Variants in XPO6 observed in about 807,000 individuals in gnomAD.
The protein encoded by XPO6 is exportin 6, also known as exportin-6.
In XPO6, 3 loss-of-function variants were observed where a neutral mutation model predicts 130.0. The observed-to-expected ratio is 0.02, with a 90% confidence interval of 0.01 to 0.06. The LOEUF (loss-of-function observed/expected upper bound fraction) is 0.06, where lower values mean the gene tolerates loss of function less well. Among genes scored for constraint, XPO6 ranks in the 10% least tolerant of loss-of-function variants. XPO6 has a pLI of 1.00. For missense variants in XPO6, 970 were observed against 1,393.0 expected (o/e 0.70, Z 4.83); for synonymous variants, 524 against 548.9 (o/e 0.95, Z 0.63).
At chr16:28,125,267 C>G (rs33045) in intron 13 of XPO6, among the ~76,000 whole-genome samples, 1 of 152,036 alleles carries the variant, frequency 6.6e-6, no homozygotes, top group Admixed American at 6.5e-5. Flanking sequence ...GGAGTTGACT[C>G]CTTATCAGTA....
intron 1 of XPO6, among the ~76,000 whole-genome samples, chr16:28,189,646 C>A (rs960399476): frequency 2.6e-5 from 4 of 152,110 alleles, no homozygotes; most frequent in Non-Finnish European, 5.9e-5. Context: ...AACAGGACTG[C>A]TAAGGCTGGG....
chr16:28,136,348 T>A (rs1400677152), intron 9 of XPO6, among the ~76,000 whole-genome samples: 3 of 152,130 alleles, frequency 2.0e-5, no homozygotes, highest in African/African-American at 7.2e-5. Flanking sequence ...GCCTCCCGAG[T>A]GGCTGGGATT....
At chr16:28,103,865 C>G (rs1262988716) in intron 21 of XPO6, among the ~76,000 whole-genome samples, 1 of 152,208 alleles carries the variant, frequency 6.6e-6, no homozygotes, top group African/African-American at 2.4e-5. Context: ...GTGGAAATCC[C>G]TCTTGCTTCC....
At chr16:28,170,406 C>T (rs1041901062) in intron 4 of XPO6, among the ~76,000 whole-genome samples, 2 of 151,048 alleles carry the variant, frequency 1.3e-5, no homozygotes, top group Non-Finnish European at 1.5e-5. Flanking sequence ...AAAATACATT[C>T]TCATCATATT....
At chr16:28,119,558 A>G (rs961423080) in intron 14 of XPO6, among the ~76,000 whole-genome samples, 2 of 152,150 alleles carry the variant, frequency 1.3e-5, no homozygotes, top group African/African-American at 4.8e-5. Flanking sequence ...TCACACACAC[A>G]CGCACATGCA....
At chr16:28,110,182 T>C (rs1169902683) in intron 17 of XPO6, among the ~76,000 whole-genome samples, 1 of 152,212 alleles carries the variant, frequency 6.6e-6, no homozygotes, top group Non-Finnish European at 1.5e-5. Context: ...AAATAACGTA[T>C]ACAAAGTGCT....
chr16:28,116,843 A>C (rs1402908888), intron 15 of XPO6, among the ~76,000 whole-genome samples: 1 of 152,224 alleles, frequency 6.6e-6, no homozygotes, highest in African/African-American at 2.4e-5. Context: ...AATTACCAAA[A>C]TGTAACACAT....
At position 28,106,300 on chromosome 16, in the gene XPO6, A is replaced by G. The variant is rs1263273334; in HGVS notation, c.2612+83T>C. Reference sequence around the variant, plus strand: ...ACCCATGCTGTGGCAAGTGCAGAACAGGAGCAAAAAGCCACACTTTGTCGC... The same window carrying G: ...ACCCATGCTGTGGCAAGTGCAGAACGGGAGCAAAAAGCCACACTTTGTCGC... On this transcript the variant is annotated intron_variant, in intron 19 of 23. Coordinates refer to ENST00000304658, the MANE Select transcript of XPO6 (RefSeq NM_015171.4). The surrounding 1 kb of genome is among the most constrained non-coding windows in gnomAD (Gnocchi z 4.2). 1 of 1,607,132 alleles carries G rather than the reference A, an allele frequency of 6.2e-7. No homozygotes were observed. Among genetic ancestry groups the G allele is most frequent in the African/African-American group, 1.3e-5 (1 of 74,690 alleles).
chr16:28,104,514 G>A, intron 21 of XPO6, 32 bp downstream of exon 21: 1 of 1,612,482 alleles, frequency 6.2e-7, no homozygotes, highest in South Asian at 1.1e-5. Flanking sequence ...GTTAGAGGAA[G>A]TCACCTGGCA....
intron 10 of XPO6, among the ~76,000 whole-genome samples, chr16:28,134,599 C>T (rs772621462): frequency 6.6e-6 from 1 of 152,196 alleles, no homozygotes; most frequent in Non-Finnish European, 1.5e-5. Flanking sequence ...CAAATATGAC[C>T]ACCCATAAGC....
intron 9 of XPO6, among the ~76,000 whole-genome samples, chr16:28,143,492 C>T (rs140488446): frequency 1.2e-4 from 19 of 152,192 alleles, no homozygotes; most frequent in East Asian, 5.8e-4. Flanking sequence ...AAAAGTAACA[C>T]GGCTAGCCTA....
chr16:28,167,454 T>C (rs1434887938), intron 5 of XPO6, among the ~76,000 whole-genome samples: 1 of 152,174 alleles, frequency 6.6e-6, no homozygotes, highest in Non-Finnish European at 1.5e-5. Context: ...CTGTTCCTTC[T>C]ACATGTGTCC....
intron 1 of XPO6, among the ~76,000 whole-genome samples, chr16:28,190,832 A>ATG (rs147619825): frequency 1.3e-5 from 2 of 152,130 alleles, no homozygotes; most frequent in African/African-American, 4.8e-5. Flanking sequence ...AAAAAAATAC[A>ATG]TGTGTGTGTG....
rs150044859 is a variant in XPO6 at position 28,198,825 on chromosome 16, A to G, written c.3+12541T>C. Among the ~76,000 whole-genome samples, 249 of 152,224 alleles carry G rather than the reference A, an allele frequency of 1.6e-3. 2 individuals carry two copies. Among genetic ancestry groups the G allele is most frequent in the African/African-American group, 5.3e-3 (220 of 41,542 alleles). ...TCTGCAACTCTTCCGTAAGTCTTAC[A>G]TTATCTCAAAATTACATATTTAAAA... On this transcript the variant is annotated intron_variant, in intron 1 of 23. Coordinates refer to ENST00000304658, the MANE Select transcript of XPO6 (RefSeq NM_015171.4).
At chr16:28,165,911 C>G (rs2043349390) in intron 6 of XPO6, among the ~76,000 whole-genome samples, 2 of 152,206 alleles carry the variant, frequency 1.3e-5, no homozygotes, top group Non-Finnish European at 2.9e-5. Flanking sequence ...AGAAGAACTA[C>G]ACTCTGAATT....
At chr16:28,155,345 G>A (rs2043166652) in intron 7 of XPO6, among the ~76,000 whole-genome samples, 1 of 151,690 alleles carries the variant, frequency 6.6e-6, no homozygotes, top group Non-Finnish European at 1.5e-5. Context: ...ATTCCCTCCT[G>A]TTTTCATACA....
At chr16:28,186,374 C>CTTTTTTTTTTTTTTTTTTTATTTTTTTTT (rs60754642) in intron 1 of XPO6, among the ~76,000 whole-genome samples, 1 of 81,442 alleles carries the variant, frequency 1.2e-5, no homozygotes, top group African/African-American at 6.6e-5. Context: ...CCCAGTTATT[C>CTTTTTTTTTTTTTTTTTTTATTTTTTTTT]TTTTTTTTTT....
In XPO6 at chr16:28,111,973, T is replaced by A; in HGVS notation, c.2185A>T (p.Ile729Phe). 1 of 1,613,724 alleles carries A rather than the reference T, an allele frequency of 6.2e-7. No individual in the cohort carries two copies. Among genetic ancestry groups the A allele is most frequent in the Admixed American group, 1.7e-5 (1 of 59,964 alleles). The stretch of plus-strand genomic sequence containing the variant: ...AGGTTTGGCCACGGAAGCAGCAAGA[T>A]GTTAGAGAGGGCTCGGCACACCAAC... ...QVLVCRALSN[I>F]LLLPWPNLPE... Residue 729 changes from isoleucine to phenylalanine, a missense_variant, in exon 17 of 24, where the codon ATC becomes TTC. This residue lies in a region of XPO6 where 936 missense variants were observed against 1,306.8 expected (regional missense o/e 0.72). Coordinates refer to ENST00000304658, the MANE Select transcript of XPO6 (RefSeq NM_015171.4).
In XPO6 at chr16:28,107,564, G is replaced by C; in HGVS notation, c.2455C>G (p.Gln819Glu). 6.2e-7 allele frequency: 1 copy of C among 1,614,210 alleles called. No homozygotes were observed. Among genetic ancestry groups the C allele is most frequent in the Non-Finnish European group, 8.5e-7 (1 of 1,180,038 alleles). The change falls in exon 18 of 24, where the codon CAG (glutamine) becomes GAG (glutamate). Residue 819 changes from glutamine to glutamate, a missense_variant. Physicochemically the swap from Gln to Glu is conservative, Grantham distance 29. Transcript: ENST00000304658. ...GCTGGAAAGAGGGCCAGGGAGACCT[G>C]AACAGATTCCTGCAGCGACTGGTAG... is the stretch of plus-strand genomic sequence containing the variant. Reference protein sequence around the residue: ...ICYQSLQESVQVSLALFPAFI... With the variant: ...ICYQSLQESVEVSLALFPAFI...
Sources: allele counts gnomAD v4.1 joint callset (sites outside exome capture counted in the v4.1 genomes callset), GRCh38; gene constraint gnomAD v4.1.1; regional missense constraint gnomAD v4.1.1; non-coding constraint Gnocchi (gnomAD v3.1); transcripts MANE v1.5; gene names NCBI Gene and HGNC (gene_info 2026-07-23, HGNC 2026-07-21).